GALNT13: variants seen among roughly 807,000 people sequenced by gnomAD.
The protein encoded by GALNT13 is UDP-GalNAc:polypeptide N-acetylgalactosaminyltransferase 13.
Under a neutral mutation model 64.2 loss-of-function variants are expected in GALNT13, and 28 were observed. That is an observed-to-expected ratio of 0.44 (90% confidence interval 0.32 to 0.60). The LOEUF (loss-of-function observed/expected upper bound fraction) is 0.60. GALNT13 is among the 20% of genes least tolerant of loss of function. The pLI is 0.05. For missense variants in GALNT13, 577 were observed against 669.8 expected (o/e 0.86, Z 1.53); for synonymous variants, 214 against 224.6 (o/e 0.95, Z 0.42).
chr2:153,777,450 T>G, the GALNT13 span, among the ~76,000 whole-genome samples: 1 of 152,142 alleles, frequency 6.6e-6, no homozygotes, highest in Non-Finnish European at 1.5e-5. Context: ...TGCGATAGTT[T>G]AAGGAGGTGG....
At chr2:153,619,779 C>A in the GALNT13 span, among the ~76,000 whole-genome samples, 1 of 152,112 alleles carries the variant, frequency 6.6e-6, no homozygotes, top group Non-Finnish European at 1.5e-5. Flanking sequence ...CCTCTCCTGG[C>A]CTGTAAGGTT....
chr2:153,295,459 C>T, the GALNT13 span, among the ~76,000 whole-genome samples: 56,192 of 151,238 alleles, frequency 0.37, 10,740 homozygotes, highest in Middle Eastern at 0.5. Context: ...AACCAGCATA[C>T]CCTGAACTTG....
the GALNT13 span, among the ~76,000 whole-genome samples, chr2:153,630,808 T>TA: frequency 0.048 from 799 of 16,818 alleles, 2 homozygotes; most frequent in South Asian, 0.094. Context: ...TATATATATA[T>TA]TTTTTTTTTT....
the GALNT13 span, among the ~76,000 whole-genome samples, chr2:153,801,287 G>T: frequency 6.7e-6 from 1 of 149,596 alleles, no homozygotes; most frequent in African/African-American, 2.4e-5. Flanking sequence ...TTGGCTGTTT[G>T]GCTCAAGATG....
the GALNT13 span, among the ~76,000 whole-genome samples, chr2:153,237,478 C>T: frequency 6.6e-6 from 1 of 151,984 alleles, no homozygotes; most frequent in Non-Finnish European, 1.5e-5. Flanking sequence ...GCCATCCCCA[C>T]TACCCTTCTC....
the GALNT13 span, among the ~76,000 whole-genome samples, chr2:153,218,669 T>G: frequency 6.6e-6 from 1 of 152,210 alleles, no homozygotes; most frequent in African/African-American, 2.4e-5. Flanking sequence ...GAGCACTTGG[T>G]GAGGTCCATG....
intron 9 of GALNT13, among the ~76,000 whole-genome samples, chr2:154,369,864 A>G (rs1433454071): frequency 1.3e-5 from 2 of 152,160 alleles, no homozygotes; most frequent in African/African-American, 4.8e-5. Context: ...GTGTGCTCAC[A>G]TGAATTCTTT....
At chr2:153,481,587 T>C in the GALNT13 span, among the ~76,000 whole-genome samples, 1 of 152,328 alleles carries the variant, frequency 6.6e-6, no homozygotes, top group South Asian at 2.1e-4. Context: ...ACTAGTGTCC[T>C]CTTCTACTTC....
chr2:154,012,169 C>T (rs1696680293), intron 3 of GALNT13, among the ~76,000 whole-genome samples: 1 of 152,084 alleles, frequency 6.6e-6, no homozygotes. Flanking sequence ...TGTGAGTGGA[C>T]TATGTACTTA....
At chr2:153,624,305 G>A in the GALNT13 span, among the ~76,000 whole-genome samples, 4 of 151,976 alleles carry the variant, frequency 2.6e-5, no homozygotes, top group African/African-American at 4.8e-5. Context: ...TGCATTATTG[G>A]GCACAGAATC....
chr2:154,153,506 T>G (rs1357132685), intron 4 of GALNT13, among the ~76,000 whole-genome samples: 1 of 152,186 alleles, frequency 6.6e-6, no homozygotes, highest in Non-Finnish European at 1.5e-5. Context: ...CTGGTGTCTT[T>G]TTGTTTGTCT....
At chr2:153,862,174 A>C in the GALNT13 span, among the ~76,000 whole-genome samples, 1 of 152,158 alleles carries the variant, frequency 6.6e-6, no homozygotes, top group Non-Finnish European at 1.5e-5. Flanking sequence ...TGCTTCTTAA[A>C]AATAAATTGT....
chr2:153,869,771 C>G (rs1208979331), upstream of GALNT13, among the ~76,000 whole-genome samples: 1 of 152,012 alleles, frequency 6.6e-6, no homozygotes, highest in African/African-American at 2.4e-5. Context: ...TATGCATTCT[C>G]CTTGAAATAT....
In GALNT13 at chr2:154,359,834, T is replaced by TTAGATTGC. The variant is rs537872275; in HGVS notation, c.1157-36155_1157-36148dup. On this transcript the variant is annotated intron_variant, in intron 9 of 12. Transcript: ENST00000392825. ...AAGGTTTACTCAAAATCAATGTGAA[T>TTAGATTGC]TAGATTGCTGCTCCTCAGTAAAATG... 5.9e-5 allele frequency among the ~76,000 whole-genome samples: 9 copies of TTAGATTGC among 152,238 alleles called. No individual in the cohort carries two copies. In the South Asian group the frequency reaches 1.9e-3, roughly 32 times the overall value.
At chr2:154,053,718 G>C (rs528997692) in intron 3 of GALNT13, among the ~76,000 whole-genome samples, 1 of 152,220 alleles carries the variant, frequency 6.6e-6, no homozygotes, top group South Asian at 2.1e-4. Context: ...GAATGGCTTT[G>C]TTGCTTAGAT....
At chr2:153,327,742 T>G in the GALNT13 span, among the ~76,000 whole-genome samples, 5 of 152,034 alleles carry the variant, frequency 3.3e-5, no homozygotes, top group African/African-American at 9.7e-5. Context: ...TTAGAACATG[T>G]TCCTTTAGCT....
At chr2:153,402,127 T>C in the GALNT13 span, among the ~76,000 whole-genome samples, 4 of 137,920 alleles carry the variant, frequency 2.9e-5, no homozygotes, top group Admixed American at 2.8e-4. Context: ...GGCGTGGTGG[T>C]GACAAAATCT....
the GALNT13 span, among the ~76,000 whole-genome samples, chr2:153,641,985 C>A: frequency 1.3e-5 from 2 of 151,826 alleles, no homozygotes; most frequent in African/African-American, 4.8e-5. Flanking sequence ...CATTTTGCTT[C>A]AATCATATGT....
chr2:153,152,074 T>TA, the GALNT13 span, among the ~76,000 whole-genome samples: 36 of 152,104 alleles, frequency 2.4e-4, no homozygotes, highest in Admixed American at 8.5e-4. Context: ...TCAAATCTGC[T>TA]TTCTGGGGAG....
Sources: allele counts gnomAD v4.1 joint callset (sites outside exome capture counted in the v4.1 genomes callset), GRCh38; gene constraint gnomAD v4.1.1; transcripts MANE v1.5; gene names NCBI Gene and HGNC (gene_info 2026-07-23, HGNC 2026-07-21).